Variants in TRAPPC6B observed in about 807,000 individuals in gnomAD.
The protein encoded by TRAPPC6B is trafficking protein particle complex subunit 6B, also known as TRAPP complex subunit 6B.
A neutral mutation model predicts 24.7 loss-of-function variants in TRAPPC6B; 27 were observed. The ratio of observed to expected loss-of-function variants is 1.09; its 90% CI spans 0.81 to 1.51. The LOEUF (loss-of-function observed/expected upper bound fraction) is 1.51. Ranked by LOEUF, TRAPPC6B falls within the 40% of genes most tolerant of loss-of-function variation. The pLI is 0.00. For synonymous variants in TRAPPC6B, 80 were observed against 66.6 expected (o/e 1.20, Z -0.98); for missense variants, 212 against 190.8 (o/e 1.11, Z -0.66).
chr14:39,158,641 C>A (rs2053016288), intron 2 of TRAPPC6B: 4 of 382,956 alleles, frequency 1.0e-5, no homozygotes, highest in Non-Finnish European at 1.9e-5. Context: ...CCCACCTCAG[C>A]CTCCCTAGCA....
chr14:39,158,141 G>A, intron 3 of TRAPPC6B, 144 bp downstream of exon 3: 2 of 571,918 alleles, frequency 3.5e-6, no homozygotes, highest in Non-Finnish European at 6.0e-6. Flanking sequence ...ACTATTAGAA[G>A]AAAAAAACTA....
intron 1 of TRAPPC6B, among the ~76,000 whole-genome samples, chr14:39,164,167 T>C (rs937129883): frequency 9.2e-5 from 14 of 152,224 alleles, no homozygotes; most frequent in Admixed American, 6.5e-5. Context: ...TTTCTGGTAG[T>C]GTAACTTCTA....
intron 1 of TRAPPC6B, among the ~76,000 whole-genome samples, chr14:39,163,121 C>T (rs1395185869): frequency 6.6e-6 from 1 of 150,508 alleles, no homozygotes; most frequent in Non-Finnish European, 1.5e-5. Flanking sequence ...ATCTGTAATC[C>T]CAGCATTTGG....
chr14:39,155,628 C>T (rs2052968117), intron 3 of TRAPPC6B, among the ~76,000 whole-genome samples: 1 of 152,084 alleles, frequency 6.6e-6, no homozygotes, highest in African/African-American at 2.4e-5. Context: ...CCTCTGCCTC[C>T]CGGGTTCAAG....
intron 3 of TRAPPC6B, among the ~76,000 whole-genome samples, chr14:39,154,919 C>T (rs999901377): frequency 6.6e-6 from 1 of 152,080 alleles, no homozygotes; most frequent in African/African-American, 2.4e-5. Context: ...ATGAAATAAG[C>T]TGTTTGTTTG....
chr14:39,167,421 A>G (rs2053119658), intron 1 of TRAPPC6B, among the ~76,000 whole-genome samples: 1 of 150,604 alleles, frequency 6.6e-6, no homozygotes, highest in South Asian at 2.1e-4. Context: ...ACAAAAAAAA[A>G]GACACATAAT....
chr14:39,162,907 G>T (rs2139386813), intron 1 of TRAPPC6B, among the ~76,000 whole-genome samples: 1 of 143,542 alleles, frequency 7.0e-6, no homozygotes, highest in Middle Eastern at 3.4e-3. Flanking sequence ...CCTTAAACAT[G>T]CCAGGCACAT....
Position 39,164,056 on chromosome 14 carries a change from T to C in TRAPPC6B, c.82-4506A>G, listed in dbSNP as rs957453639. 1.4e-4 allele frequency among the ~76,000 whole-genome samples: 20 copies of C among 143,606 alleles called. 1 individual carries two copies. The highest frequency in any genetic ancestry group is 4.0e-4 in the Admixed American group (6 of 14,976). 94.2% of individuals were successfully genotyped at this position (143,606 alleles called of 152,430 possible). A position where few individuals can be genotyped will look rare whatever the true frequency, so the allele number is the denominator to read the frequency against. On this transcript the variant is annotated intron_variant, in intron 1 of 5. Coordinates refer to ENST00000330149, the MANE Select transcript of TRAPPC6B (RefSeq NM_001079537.2). Reference sequence around the variant, plus strand: ...CAAAATTCATCGTCTCTCTCTACCCTTACTTCTTAAGTAAAGCCTTATCAT... The same window carrying C: ...CAAAATTCATCGTCTCTCTCTACCCCTACTTCTTAAGTAAAGCCTTATCAT...
chr14:39,158,188 A>G (rs553495157), intron 3 of TRAPPC6B, 97 bp downstream of exon 3: 2 of 698,326 alleles, frequency 2.9e-6, no homozygotes, highest in African/African-American at 1.8e-5. Context: ...TCCAAAGTTA[A>G]CCAGAAATTA....
chr14:39,158,600 G>A (rs567807989), intron 2 of TRAPPC6B, 198 bp from the exon 3 acceptor site: 27 of 462,702 alleles, frequency 5.8e-5, no homozygotes, highest in African/African-American at 1.0e-4. Flanking sequence ...TCATTGCAAC[G>A]TCTACCTCCC....
chr14:39,169,148 C>T (rs1478612554), intron 1 of TRAPPC6B, among the ~76,000 whole-genome samples: 1 of 152,200 alleles, frequency 6.6e-6, no homozygotes, highest in Non-Finnish European at 1.5e-5. Context: ...GGGCTCCTGA[C>T]TTGAGCATGA....
chr14:39,169,940 G>A (rs1370925007), intron 1 of TRAPPC6B, 75 bp downstream of exon 1: 3 of 1,471,032 alleles, frequency 2.0e-6, no homozygotes, highest in African/African-American at 1.4e-5. Context: ...ATGGGACAGG[G>A]GTTGAAGGAA....
intron 3 of TRAPPC6B, 105 bp downstream of exon 3, chr14:39,158,180 C>T (rs1226324271): frequency 1.5e-6 from 1 of 667,774 alleles, no homozygotes; most frequent in East Asian, 2.9e-5. Flanking sequence ...AAACATATTC[C>T]AAAGTTAACC....
chr14:39,152,762 A>G (rs1265606880), intron 4 of TRAPPC6B, among the ~76,000 whole-genome samples: 3 of 152,224 alleles, frequency 2.0e-5, no homozygotes, highest in East Asian at 1.9e-4. Context: ...AAAGATGTCC[A>G]TAACTCAAAA....
chr14:39,167,637 T>TG (rs2053121478), intron 1 of TRAPPC6B, among the ~76,000 whole-genome samples: 1 of 152,210 alleles, frequency 6.6e-6, no homozygotes, highest in Admixed American at 6.5e-5. Context: ...TATTTCAGTA[T>TG]GGGTTCTGAT....
At chr14:39,164,033 A>G (rs1470283832) in intron 1 of TRAPPC6B, among the ~76,000 whole-genome samples, 2 of 143,814 alleles carry the variant, frequency 1.4e-5, no homozygotes, top group African/African-American at 3.0e-5. Flanking sequence ...AAGCTTTTCA[A>G]AATTCATCGT....
chr14:39,165,139 A>T (rs1392961328), intron 1 of TRAPPC6B, among the ~76,000 whole-genome samples: 1 of 147,736 alleles, frequency 6.8e-6, no homozygotes, highest in African/African-American at 2.5e-5. Flanking sequence ...TCTGCCTCCC[A>T]GGTTCACGCC....
rs1438280542 is a variant in TRAPPC6B at position 39,159,507 on chromosome 14, CG to C, written c.124del (p.Arg42GlufsTer6). On this transcript the variant is annotated frameshift_variant, in exon 2 of 6. Transcript: ENST00000330149. LOFTEE classifies it high-confidence loss of function. ...CCTTTCTATCAATCCTTGTCCCACT[CG>C]AAACCCCATGTTTTCCAGCTTAGTA... is the stretch of plus-strand genomic sequence containing the variant. ...CITKLENMGF[R>X]VGQGLIERFT... 6 of 1,606,280 alleles carry C rather than the reference CG, an allele frequency of 3.7e-6. No individual in the cohort carries two copies. The highest frequency in any genetic ancestry group is 4.3e-6 in the Non-Finnish European group (5 of 1,175,958).
intron 2 of TRAPPC6B, 33 bp from the exon 3 acceptor site, chr14:39,158,435 TCTC>T (rs1206144723): frequency 3.9e-6 from 5 of 1,292,752 alleles, no homozygotes; most frequent in Non-Finnish European, 5.5e-6. Context: ...ATACAGTATT[TCTC>T]CTCCAAAAAA....
Sources: allele counts gnomAD v4.1 joint callset (sites outside exome capture counted in the v4.1 genomes callset), GRCh38; gene constraint gnomAD v4.1.1; transcripts MANE v1.5; gene names NCBI Gene and HGNC (gene_info 2026-07-23, HGNC 2026-07-21).